Variants in SAMD9 observed in about 807,000 individuals in gnomAD.
SAMD9 encodes the protein sterile alpha motif domain-containing protein 9.
A neutral mutation model predicts 1.5 loss-of-function variants in SAMD9; 3 were observed. The observed-to-expected ratio is 2.05, with a 90% confidence interval of 0.93 to 5.29. The LOEUF (loss-of-function observed/expected upper bound fraction) is 5.29, where lower values mean the gene tolerates loss of function less well. Among genes scored for constraint, SAMD9 ranks in the 30% most tolerant of loss-of-function variants. The pLI is 0.02. For missense variants in SAMD9, 1,597 were observed against 1,820.8 expected, an observed-to-expected ratio of 0.88 and a Z score of 2.24; for synonymous variants, 635 against 631.9, an observed-to-expected ratio of 1.00 and a Z score of -0.07.
chr7:93,105,519 C>G lies in SAMD9; in HGVS notation c.579G>C (p.Pro193=). The change falls in exon 3 of 3, where the codon CCG becomes CCC. Residue 193 remains proline (P), a synonymous_variant. Coordinates refer to ENST00000379958, the MANE Select transcript of SAMD9 (RefSeq NM_017654.4). ...PETGPGNLID[P]IHEFKAFTNT... ...TTGTGAAGGCTTTGAATTCATGTAT[C>G]GGATCAATGAGATTGCCTGGTCCTG... is the stretch of plus-strand genomic sequence containing the variant. 6.2e-7 allele frequency: 1 copy of G among 1,614,036 alleles called. No individual in the cohort carries two copies. Among genetic ancestry groups the G allele is most frequent in the Non-Finnish European group, 8.5e-7 (1 of 1,179,964 alleles).
At position 93,100,834 on chromosome 7, in the gene SAMD9, T is replaced by G. The variant is rs1791515623; in HGVS notation, c.*494A>C. On this transcript the variant is annotated 3_prime_UTR_variant, in exon 3 of 3. Coordinates refer to ENST00000379958, the MANE Select transcript of SAMD9 (RefSeq NM_017654.4). ...ACCTTCAGAAGACTGGTTGGTCCTC[T>G]GTTTTGGAAGATCCTTGAGTGCCAA... 6.0e-6 allele frequency: 1 copy of G among 166,508 alleles called. No homozygotes were observed. The highest frequency in any genetic ancestry group is 1.3e-5 in the Non-Finnish European group (1 of 76,306). 10.3% of individuals were successfully genotyped at this position (166,508 alleles called of 1,614,324 possible). A position where few individuals can be genotyped will look rare whatever the true frequency, so the allele number is the denominator to read the frequency against.
rs1426688066 is a variant in SAMD9, at chr7:93,100,607, C to A, written c.*721G>T. 1 of 151,822 alleles carries A rather than the reference C, an allele frequency of 6.6e-6. No individual in the cohort carries two copies. The highest frequency in any genetic ancestry group is 1.5e-5 in the Non-Finnish European group (1 of 67,994). The allele number at this position is 151,822 out of a possible 1,614,324, so 9.4% of individuals were successfully genotyped here. ...TGGATGAGGGACTCATTAGTCTTCT[C>A]ACAAGAGTCCCTTTTGTTCATTAGC... On this transcript the variant is annotated 3_prime_UTR_variant, in exon 3 of 3. Coordinates refer to ENST00000379958, the MANE Select transcript of SAMD9 (RefSeq NM_017654.4).
chr7:93,104,671 G>T lies in SAMD9; in HGVS notation c.1427C>A (p.Pro476Gln). 6.2e-7 allele frequency: 1 copy of T among 1,614,006 alleles called. No individual in the cohort carries two copies. Among genetic ancestry groups the T allele is most frequent in the South Asian group, 1.1e-5 (1 of 91,074 alleles). The change falls in exon 3 of 3, where the codon CCA becomes CAA. Residue 476 changes from proline (P) to glutamine (Q), a missense_variant. Transcript: ENST00000379958. ...PSVYVEQKTT[P>Q]NETISTLNLY... is the part of the protein sequence containing the mutation. The stretch of plus-strand genomic sequence containing the variant: ...ATTTAGAGTAGAAATCGTCTCATTT[G>T]GTGTGGTTTTCTGTTCTACATATAC...
rs1249495254 is a variant in SAMD9 at position 93,102,868 on chromosome 7, C to T, written c.3230G>A (p.Arg1077Gln). 20 of 1,613,646 alleles carry T rather than the reference C, an allele frequency of 1.2e-5. No individual in the cohort carries two copies. The highest frequency in any genetic ancestry group is 4.0e-5 in the African/African-American group (3 of 74,874). ...GCAAATGAATGCATTTGGGTTGAAC[C>T]GATGGATACTTTCAAGCAATACAGC... ...VEAVLLESIH[R>Q]FNPNAFICQA... is the part of the protein sequence containing the mutation. Residue 1077 changes from arginine (R) to glutamine (Q), a missense_variant, in exon 3 of 3, where the codon CGG (arginine) becomes CAG (glutamine). Arg to Gln is a conservative substitution (Grantham distance 43). Transcript: ENST00000379958.
Position 93,103,319 on chromosome 7 carries a change from A to G in SAMD9, c.2779T>C (p.Tyr927His), listed in dbSNP as rs1791570182. The change falls in exon 3 of 3, where the codon TAT (tyrosine) becomes CAT (histidine). Residue 927 changes from tyrosine (Y) to histidine (H), a missense_variant. This residue lies in a region of SAMD9 where 682 missense variants were observed against 810.0 expected (regional missense o/e 0.84). Transcript: ENST00000379958. Reference protein sequence around the residue: ...LFSFLALLNSYVPDTTISLSQ... With the variant: ...LFSFLALLNSHVPDTTISLSQ... ...AGTGAAATGGTGGTATCAGGCACAT[A>G]TGAATTAAGAAGAGCCAGAAAAGAA... is the stretch of plus-strand genomic sequence containing the variant. 1 of 1,613,634 alleles carries G rather than the reference A, an allele frequency of 6.2e-7. No individual in the cohort carries two copies. Among genetic ancestry groups the G allele is most frequent in the African/African-American group, 1.3e-5 (1 of 75,034 alleles).
At chr7:93,108,448 G>A (rs777351861) in intron 2 of SAMD9, among the ~76,000 whole-genome samples, 2 of 152,246 alleles carry the variant, frequency 1.3e-5, no homozygotes, top group Middle Eastern at 3.4e-3. Context: ...ATCTCACTGG[G>A]GCTTGTTGGA....
In SAMD9 at chr7:93,103,567, C is replaced by CT; in HGVS notation, c.2530dup (p.Ser844LysfsTer23). ...GGCAATACTGTCTGGGATCCTTGCA[C>CT]TTTTTTCAGGATTTTGTGATCTCAT... On this transcript the variant is annotated frameshift_variant, in exon 3 of 3. Transcript: ENST00000379958. LOFTEE classifies it low-confidence loss of function (END_TRUNC). 1.2e-6 allele frequency: 2 copies of CT among 1,613,234 alleles called. No homozygotes were observed. Among genetic ancestry groups the CT allele is most frequent in the African/African-American group, 1.3e-5 (1 of 74,934 alleles).
chr7:93,113,587 G>T (rs1791783269), intron 2 of SAMD9, among the ~76,000 whole-genome samples: 1 of 151,918 alleles, frequency 6.6e-6, no homozygotes, highest in African/African-American at 2.4e-5. Context: ...AATCTATGAA[G>T]AACTTAAATT....
At position 93,103,584 on chromosome 7, in the gene SAMD9, T is replaced by C; in HGVS notation, c.2514A>G (p.Ser838=). The C allele has an allele frequency of 6.2e-7, 1 of 1,613,234 alleles. No homozygotes were observed. The highest frequency in any genetic ancestry group is 2.2e-5 in the East Asian group (1 of 44,882). ...PLVIILNCMR[S]QNPEKSARIP... ...TCCTTGCACTTTTTTCAGGATTTTG[T>C]GATCTCATACAATTTAGGATAATCA... Residue 838 remains serine, a synonymous_variant, in exon 3 of 3, where the codon TCA becomes TCG. Transcript: ENST00000379958.
chr7:93,117,042 G>T (rs1791842732), intron 1 of SAMD9, among the ~76,000 whole-genome samples: 1 of 152,084 alleles, frequency 6.6e-6, no homozygotes, highest in Non-Finnish European at 1.5e-5. Context: ...TTTTTGCCAG[G>T]AACATAAAGC....
intron 2 of SAMD9, among the ~76,000 whole-genome samples, chr7:93,112,180 TATAAAC>T (rs1288057865): frequency 6.6e-6 from 1 of 152,164 alleles, no homozygotes; most frequent in African/African-American, 2.4e-5. Context: ...TAATCCATCA[TATAAAC>T]AGAACCAAAG....
chr7:93,101,390 C>G lies in SAMD9; in HGVS notation c.4708G>C (p.Val1570Leu). 1 of 1,613,694 alleles carries G rather than the reference C, an allele frequency of 6.2e-7. No individual in the cohort carries two copies. The highest frequency in any genetic ancestry group is 8.5e-7 in the Non-Finnish European group (1 of 1,179,728). Residue 1570 changes from valine (V) to leucine (L), a missense_variant, in exon 3 of 3, where the codon GTG becomes CTG. By Grantham distance (32) the Val-to-Leu change is conservative. Transcript: ENST00000379958. ...ATGGAAAATCCCAGGTAAAAAGACA[C>G]CTTCTCTATGCTTCTGCCACTTCTA... Reference protein sequence around the residue: ...QLRSGRSIEKVSFYLGFSIGG... With the variant: ...QLRSGRSIEKLSFYLGFSIGG...
Position 93,100,175 on chromosome 7 carries a change from C to T in SAMD9, c.*1153G>A, listed in dbSNP as rs1027111786. ...AACCAGGTTTTTGTCCTGTGAATTTCCCCTTTCTGGATATTGCTGATTGCA... is the reference window on the plus strand; with the variant it reads ...AACCAGGTTTTTGTCCTGTGAATTTTCCCTTTCTGGATATTGCTGATTGCA... On this transcript the variant is annotated 3_prime_UTR_variant, in exon 3 of 3. Transcript: ENST00000379958. The T allele has an allele frequency of 1.3e-5, 2 of 152,048 alleles. No homozygotes were observed. The highest frequency in any genetic ancestry group is 4.8e-5 in the African/African-American group (2 of 41,390). 9.4% of individuals were successfully genotyped at this position (152,048 alleles called of 1,614,324 possible).
In SAMD9 at chr7:93,103,098, A is replaced by C. The variant is rs1428124013; in HGVS notation, c.3000T>G (p.Tyr1000Ter). Residue 1000 changes from tyrosine to a stop codon, truncating the protein, a stop_gained, in exon 3 of 3, where the codon TAT becomes TAG. Coordinates refer to ENST00000379958, the MANE Select transcript of SAMD9 (RefSeq NM_017654.4). LOFTEE classifies it low-confidence loss of function (END_TRUNC). ...ACATAATTTGACTTTTATTCAGGTGATAGCTTTTCTTCAATTCTTCCAGTG... is the reference window on the plus strand; with the variant it reads ...ACATAATTTGACTTTTATTCAGGTGCTAGCTTTTCTTCAATTCTTCCAGTG... ...EFSLEELKKS[Y>*]HLNKSQIMLD... is the part of the protein sequence containing the mutation. 1 of 1,613,746 alleles carries C rather than the reference A, an allele frequency of 6.2e-7. No homozygotes were observed. The highest frequency in any genetic ancestry group is 8.5e-7 in the Non-Finnish European group (1 of 1,179,800).
rs987229084 is a variant in SAMD9, at chr7:93,108,217, G to A, written c.-8-2112C>T. Among the ~76,000 whole-genome samples, 3 of 152,196 alleles carry A rather than the reference G, an allele frequency of 2.0e-5. No individual in the cohort carries two copies. In the South Asian group the frequency reaches 6.2e-4, roughly 31 times the overall value. On this transcript the variant is annotated intron_variant, in intron 2 of 2. Transcript: ENST00000379958. ...GTGCGCGCAGGTGTGACTTGTGTCC[G>A]CAAAGTTTGTGATGTCCGGGGGACT...
intron 2 of SAMD9, among the ~76,000 whole-genome samples, chr7:93,112,104 T>A (rs113885504): frequency 0.054 from 8,277 of 152,186 alleles, 404 homozygotes; most frequent in African/African-American, 0.13. Context: ...AAGCTTATCC[T>A]CCATGATCAA....
Position 93,100,409 on chromosome 7 carries a change from A to G in SAMD9, c.*919T>C, listed in dbSNP as rs1046276074. ...GGATTTGGGACAGTTTGATAAATCC[A>G]TTAGAAATTTTTGTTTTTTAATCAG... On this transcript the variant is annotated 3_prime_UTR_variant, in exon 3 of 3. Coordinates refer to ENST00000379958, the MANE Select transcript of SAMD9 (RefSeq NM_017654.4). 1 of 152,184 alleles carries G rather than the reference A, an allele frequency of 6.6e-6. No individual in the cohort carries two copies. Among genetic ancestry groups the G allele is most frequent in the African/African-American group, 2.4e-5 (1 of 41,454 alleles). The allele number at this position is 152,184 out of a possible 1,614,324, so 9.4% of individuals were successfully genotyped here. A position where few individuals can be genotyped will look rare whatever the true frequency, so the allele number is the denominator to read the frequency against.
chr7:93,104,222 G>A lies in SAMD9; in HGVS notation c.1876C>T (p.Gln626Ter). 1 of 1,613,862 alleles carries A rather than the reference G, an allele frequency of 6.2e-7. No homozygotes were observed. Among genetic ancestry groups the A allele is most frequent in the Non-Finnish European group, 8.5e-7 (1 of 1,179,824 alleles). Residue 626 changes from glutamine to a stop codon, truncating the protein, a stop_gained, in exon 3 of 3, where the codon CAA becomes TAA. Coordinates refer to ENST00000379958, the MANE Select transcript of SAMD9 (RefSeq NM_017654.4). LOFTEE classifies it low-confidence loss of function (END_TRUNC). ...GTILKLKSVT[Q>*]SSKRLLPSIG... is the part of the protein sequence containing the mutation. The stretch of plus-strand genomic sequence containing the variant: ...GATGGCAAAAGCCTTTTTGAAGATT[G>A]AGTCACAGATTTTAGTTTAAGAATA...
chr7:93,101,374 C>T lies in SAMD9; in HGVS notation c.4724G>A (p.Gly1575Glu), dbSNP rs148724199. ...RSIEKVSFYL[G>E]FSIGGPLAYD... ...AGCAAGTGGGCCTCCAATGGAAAATCCCAGGTAAAAAGACACCTTCTCTAT... is the reference window on the plus strand; with the variant it reads ...AGCAAGTGGGCCTCCAATGGAAAATTCCAGGTAAAAAGACACCTTCTCTAT... Residue 1575 changes from glycine (G) to glutamate (E), a missense_variant, in exon 3 of 3, where the codon GGA (glycine) becomes GAA (glutamate). Gly to Glu is a moderately conservative substitution (Grantham distance 98, BLOSUM62 -2). Around this residue, in one of 6 missense-constraint regions of SAMD9, gnomAD observed 682 missense variants for 810.0 expected, o/e 0.84. Transcript: ENST00000379958. 1.7e-3 allele frequency: 2,705 copies of T among 1,613,358 alleles called. 3 individuals are homozygous for T. Among genetic ancestry groups the T allele is most frequent in the Non-Finnish European group, 1.8e-3 (2,066 of 1,179,672 alleles).
Sources: gnomAD v4.1 joint callset for allele counts (sites outside exome capture counted in the v4.1 genomes callset) on GRCh38, gnomAD v4.1.1 for gene constraint, gnomAD v4.1.1 regional missense constraint, MANE v1.5 for transcripts, NCBI Gene and HGNC (gene_info 2026-07-23, HGNC 2026-07-21) for gene names.